Variants in VPS13A observed in about 807,000 individuals in gnomAD.
VPS13A encodes the protein intermembrane lipid transfer protein VPS13A.
Under a neutral mutation model 390.9 loss-of-function variants are expected in VPS13A, and 264 were observed. That is an observed-to-expected ratio of 0.68 (90% CI 0.61 to 0.75). VPS13A has a LOEUF of 0.75. Ranked by LOEUF, VPS13A falls within the 30% of genes least tolerant of loss-of-function variation. VPS13A has a pLI of 0.00. For missense variants in VPS13A, 3,409 were observed against 3,733.9 expected (o/e 0.91, Z 2.27); for synonymous variants, 1,231 against 1,227.1 (o/e 1.00, Z -0.07).
At chr9:77,203,875 G>A (rs1397004384) in intron 3 of VPS13A, among the ~76,000 whole-genome samples, 1 of 152,044 alleles carries the variant, frequency 6.6e-6, no homozygotes, top group Admixed American at 6.6e-5. Context: ...AACTTAGAAA[G>A]TTATTCCTCT....
chr9:77,258,623 G>GT (rs1399674898), intron 22 of VPS13A, among the ~76,000 whole-genome samples: 10 of 151,742 alleles, frequency 6.6e-5, no homozygotes, highest in Non-Finnish European at 8.8e-5. Context: ...GCATTCCCTT[G>GT]TTTTTTTTCA....
intron 68 of VPS13A, among the ~76,000 whole-genome samples, chr9:77,399,167 TAAAAAAAAAAAAATAAAA>T (rs1834247797): frequency 3.5e-5 from 3 of 86,126 alleles, no homozygotes; most frequent in African/African-American, 1.2e-4. Context: ...TAGAGTATAA[TAAAAAAAAAAAAATAAAA>T]AAAAAAAAAA....
chr9:77,414,779 G>A (rs1450096809), intron 71 of VPS13A, among the ~76,000 whole-genome samples: 1 of 117,392 alleles, frequency 8.5e-6, no homozygotes, highest in African/African-American at 3.1e-5. Flanking sequence ...AAAACTTAGA[G>A]TAAGAGGACA....
At chr9:77,221,427 A>G (rs1380541737) in intron 13 of VPS13A, 71 bp downstream of exon 13, 4 of 1,521,350 alleles carry the variant, frequency 2.6e-6, no homozygotes, top group African/African-American at 1.4e-5. Context: ...AGTGACTGAT[A>G]CTCCCTACCT....
chr9:77,279,450 G>C (rs1301075331), intron 26 of VPS13A, among the ~76,000 whole-genome samples: 1 of 152,004 alleles, frequency 6.6e-6, no homozygotes, highest in Non-Finnish European at 1.5e-5. Context: ...TCTTCTCAAT[G>C]CTCAGCTGCT....
At chr9:77,384,803 T>A in intron 68 of VPS13A, 1 of 1,490,864 alleles carries the variant, frequency 6.7e-7, no homozygotes, top group Non-Finnish European at 8.9e-7. Context: ...TAAAATGTTT[T>A]CCTACACATT....
In VPS13A at chr9:77,287,182, TTA is replaced by T. The variant is rs1022034747; in HGVS notation, c.3339+3540_3339+3541del. On this transcript the variant is annotated intron_variant, in intron 31 of 71. Coordinates refer to ENST00000360280, the MANE Select transcript of VPS13A (RefSeq NM_033305.3). ...GGTAAATAAATTAAGAAAAAACTAA[TTA>T]TATATATTATATAATAATATATTTT... 3.4e-5 allele frequency among the ~76,000 whole-genome samples: 5 copies of T among 147,974 alleles called. No individual in the cohort carries two copies. In the East Asian group the frequency reaches 5.8e-4, roughly 17 times the overall value.
intron 68 of VPS13A, among the ~76,000 whole-genome samples, chr9:77,387,112 A>C (rs1237214253): frequency 6.7e-6 from 1 of 149,272 alleles, no homozygotes; most frequent in African/African-American, 2.5e-5. Context: ...TTTGAAAAAA[A>C]ACTTGAATTT....
chr9:77,250,116 C>A lies in VPS13A; in HGVS notation c.2057C>A (p.Ser686Tyr). 1 of 1,613,778 alleles carries A rather than the reference C, an allele frequency of 6.2e-7. No homozygotes were observed. The change falls in exon 21 of 72, where the codon TCT (serine) becomes TAT (tyrosine). Residue 686 changes from serine to tyrosine, a missense_variant. By Grantham distance (144) the Ser-to-Tyr change is moderately radical (BLOSUM62 -2). This residue lies in a region of VPS13A where 2,717 missense variants were observed against 2,917.4 expected (regional missense o/e 0.93). Transcript: ENST00000360280. ...TTGAAGGTGACGAGTAAAAGTCGTT[C>A]TGAATTACCAGATGTGAAACAAGGT... Reference protein sequence around the residue: ...GHLKVTSKSRSELPDVKQGEA... With the variant: ...GHLKVTSKSRYELPDVKQGEA...
chr9:77,366,709 A>C lies in VPS13A; in HGVS notation c.8326-18A>C, dbSNP rs746224069. On this transcript the variant is annotated intron_variant, in intron 60 of 71. Transcript: ENST00000360280. ...ATGAAGAAAATACTTTTAAATATTTATCTCTTTATCTTTTTAGTTACATTT... is the reference window on the plus strand; with the variant it reads ...ATGAAGAAAATACTTTTAAATATTTCTCTCTTTATCTTTTTAGTTACATTT... The C allele has an allele frequency of 3.8e-6, 6 of 1,590,502 alleles. No homozygotes were observed. The highest frequency in any genetic ancestry group is 5.1e-6 in the Non-Finnish European group (6 of 1,165,314).
intron 31 of VPS13A, among the ~76,000 whole-genome samples, chr9:77,290,084 TTC>T (rs1827561305): frequency 6.6e-6 from 1 of 152,102 alleles, no homozygotes; most frequent in Non-Finnish European, 1.5e-5. Context: ...ATCTGGCACT[TTC>T]TCATTTTTTA....
chr9:77,264,642 A>AT, intron 23 of VPS13A, among the ~76,000 whole-genome samples: 1 of 152,142 alleles, frequency 6.6e-6, no homozygotes, highest in Non-Finnish European at 1.5e-5. Flanking sequence ...TTGCAGATTG[A>AT]TTTTGTATCC....
intron 34 of VPS13A, among the ~76,000 whole-genome samples, chr9:77,304,228 C>T (rs1237817181): frequency 1.3e-5 from 2 of 152,208 alleles, no homozygotes; most frequent in African/African-American, 4.8e-5. Flanking sequence ...ACGTCCTGCA[C>T]AGCCCTAGAT....
intron 1 of VPS13A, among the ~76,000 whole-genome samples, chr9:77,186,547 C>G (rs1275163217): frequency 6.6e-6 from 1 of 152,112 alleles, no homozygotes; most frequent in Non-Finnish European, 1.5e-5. Flanking sequence ...AAGCGATTCT[C>G]CTGCCTCAGC....
chr9:77,369,276 T>G (rs1832614192), intron 62 of VPS13A, 23 bp from the exon 63 acceptor site: 3 of 1,505,770 alleles, frequency 2.0e-6, no homozygotes, highest in Non-Finnish European at 2.8e-6. Context: ...CTGAATTGAT[T>G]AATGTTCATA....
At chr9:77,210,346 C>G (rs928077925) in intron 6 of VPS13A, among the ~76,000 whole-genome samples, 4 of 143,076 alleles carry the variant, frequency 2.8e-5, no homozygotes, top group African/African-American at 1.1e-4. Context: ...ATCCTCCCAC[C>G]TCACCCCCAC....
At chr9:77,360,818 G>A (rs1311414175) in intron 59 of VPS13A, among the ~76,000 whole-genome samples, 177 bp downstream of exon 59, 4 of 152,014 alleles carry the variant, frequency 2.6e-5, no homozygotes, top group African/African-American at 9.7e-5. Context: ...TAGAAAATTA[G>A]CAAACAGGAG....
chr9:77,275,229 T>G (rs1406859728), intron 24 of VPS13A, among the ~76,000 whole-genome samples: 1 of 152,154 alleles, frequency 6.6e-6, no homozygotes, highest in African/African-American at 2.4e-5. Flanking sequence ...AAAGATGGGC[T>G]TCTTAAGCTA....
intron 1 of VPS13A, among the ~76,000 whole-genome samples, chr9:77,189,711 A>G (rs1824559563): frequency 6.6e-6 from 1 of 152,126 alleles, no homozygotes; most frequent in South Asian, 2.1e-4. Context: ...CATTTTAACA[A>G]TTTTGATTCT....
Sources: gnomAD v4.1 joint callset for allele counts (sites outside exome capture counted in the v4.1 genomes callset) on GRCh38, gnomAD v4.1.1 for gene constraint, gnomAD v4.1.1 regional missense constraint, MANE v1.5 for transcripts, NCBI Gene and HGNC (gene_info 2026-07-23, HGNC 2026-07-21) for gene names.